CBX1: variants seen among roughly 807,000 people sequenced by gnomAD.
CBX1 encodes chromobox 1.
In CBX1, 10 loss-of-function variants were observed where a neutral mutation model predicts 25.1. The ratio of observed to expected loss-of-function variants is 0.40; its 90% confidence interval spans 0.25 to 0.68. The LOEUF is 0.68. Ranked by LOEUF, CBX1 falls within the 30% of genes least tolerant of loss-of-function variation. CBX1 has a pLI of 0.40. For missense variants in CBX1, 106 were observed against 218.5 expected (o/e 0.49, Z 3.25); for synonymous variants, 63 against 79.4 (o/e 0.79, Z 1.10).
Position 48,101,433 on chromosome 17 carries a change from T to C in CBX1, c.-203A>G. 1.0e-6 allele frequency: 1 copy of C among 985,454 alleles called. No homozygotes were observed. Among genetic ancestry groups the C allele is most frequent in the Non-Finnish European group, 1.2e-6 (1 of 829,996 alleles). The allele number at this position is 985,454 out of a possible 1,614,324, so 61.0% of individuals were successfully genotyped here. On this transcript the variant is annotated 5_prime_UTR_variant, in exon 1 of 5. Coordinates refer to ENST00000225603, the MANE Select transcript of CBX1 (RefSeq NM_001127228.2). The stretch of plus-strand genomic sequence containing the variant: ...CAGGCCCCGGCCAACGGCCCTCCCC[T>C]CAGCCGAACAAAAGAGCCTCGCAGT...
Position 48,071,448 on chromosome 17 carries a change from T to A in CBX1, c.545A>T (p.Asp182Val). Residue 182 changes from aspartate (D) to valine (V), a missense_variant, in exon 5 of 5, where the codon GAT becomes GTT. Asp to Val is a radical substitution (Grantham distance 152). This residue lies in a region of CBX1 where 71 missense variants were observed against 144.1 expected (regional missense o/e 0.49). Coordinates refer to ENST00000225603, the MANE Select transcript of CBX1 (RefSeq NM_001127228.2). Reference sequence around the variant, plus strand: ...TACTCAGGAGCGTTAGTTCTTGTCATCTTTTTTGTCATCATCCTCCGAGGG... The same window carrying A: ...TACTCAGGAGCGTTAGTTCTTGTCAACTTTTTTGTCATCATCCTCCGAGGG... ...SYPSEDDDKKDDKN is the reference protein window; with the variant it reads ...SYPSEDDDKKVDKN The A allele has an allele frequency of 6.2e-7, 1 of 1,610,472 alleles. No individual in the cohort carries two copies.
At chr17:48,077,467 T>TTTTTTTA (rs1555577820) in intron 1 of CBX1, among the ~76,000 whole-genome samples, 1 of 148,500 alleles carries the variant, frequency 6.7e-6, no homozygotes, top group South Asian at 2.1e-4. Flanking sequence ...TTTTTTTTTT[T>TTTTTTTA]AGTAGAGACG....
At chr17:48,100,120 CAGAGGA>C (rs1285698148) in intron 1 of CBX1, among the ~76,000 whole-genome samples, 1 of 111,540 alleles carries the variant, frequency 9.0e-6, no homozygotes, top group Non-Finnish European at 1.7e-5. Flanking sequence ...GCCTGGGCAA[CAGAGGA>C]AGACTCTTCT....
chr17:48,075,406 G>T (rs1160810655), intron 3 of CBX1, among the ~76,000 whole-genome samples: 1 of 152,084 alleles, frequency 6.6e-6, no homozygotes, highest in African/African-American at 2.4e-5. Context: ...TGTTAGTCAG[G>T]ATGGTCTTGA....
chr17:48,092,586 TG>T (rs1458054070), intron 1 of CBX1, among the ~76,000 whole-genome samples: 2 of 151,304 alleles, frequency 1.3e-5, no homozygotes, highest in South Asian at 4.2e-4. Context: ...CCTGAGTAAC[TG>T]GGATTACAGG....
intron 1 of CBX1, among the ~76,000 whole-genome samples, chr17:48,099,963 A>C (rs1332273420): frequency 2.6e-5 from 4 of 151,638 alleles, no homozygotes; most frequent in Admixed American, 6.6e-5. Context: ...GTACGGTGAA[A>C]CCCCGTCTCT....
At chr17:48,078,939 G>A (rs1414472035) in intron 1 of CBX1, among the ~76,000 whole-genome samples, 13 of 150,628 alleles carry the variant, frequency 8.6e-5, no homozygotes, top group Admixed American at 8.6e-4. Flanking sequence ...ACAGGTGTGA[G>A]CTACCACGCC....
chr17:48,094,844 C>T (rs1334796626), intron 1 of CBX1, among the ~76,000 whole-genome samples: 1 of 151,384 alleles, frequency 6.6e-6, no homozygotes, highest in African/African-American at 2.4e-5. Context: ...GCCTGGAGTT[C>T]AAGACCAGCC....
chr17:48,085,446 G>C (rs2063307262), intron 1 of CBX1, among the ~76,000 whole-genome samples: 1 of 151,954 alleles, frequency 6.6e-6, no homozygotes, highest in Non-Finnish European at 1.5e-5. Flanking sequence ...GCCTGTATAA[G>C]GAAAGGACAC....
At position 48,101,250 on chromosome 17, in the gene CBX1, C is replaced by T; in HGVS notation, c.-38+18G>A. ...GCGCCCCCTCCCCCAGCTCTCCCGC[C>T]TCCAGCGGGCTCCTCACCTCAGAGC... is the stretch of plus-strand genomic sequence containing the variant. On this transcript the variant is annotated intron_variant, in intron 1 of 4. Transcript: ENST00000225603. The T allele has an allele frequency of 2.0e-6, 2 of 989,004 alleles. No individual in the cohort carries two copies. Among genetic ancestry groups the T allele is most frequent in the Non-Finnish European group, 2.4e-6 (2 of 832,186 alleles). The allele number at this position is 989,004 out of a possible 1,614,324, so 61.3% of individuals were successfully genotyped here.
chr17:48,078,786 A>ATTTTT (rs2037702228), intron 1 of CBX1, among the ~76,000 whole-genome samples: 7 of 74,570 alleles, frequency 9.4e-5, no homozygotes, highest in Non-Finnish European at 1.3e-4. Context: ...CCGTGCCTGG[A>ATTTTT]CTTTTTTTTT....
At chr17:48,081,661 C>T (rs1025749793) in intron 1 of CBX1, among the ~76,000 whole-genome samples, 2 of 151,758 alleles carry the variant, frequency 1.3e-5, no homozygotes, top group African/African-American at 2.4e-5. Context: ...AGGCTGGTCT[C>T]GAACTCCTGA....
At chr17:48,091,534 CCTTTTTTTTT>C (rs1365948402) in intron 1 of CBX1, among the ~76,000 whole-genome samples, 3 of 132,876 alleles carry the variant, frequency 2.3e-5, no homozygotes, top group Non-Finnish European at 4.6e-5. Context: ...GCCACCATGC[CCTTTTTTTTT>C]TTTTTTTTTT....
intron 1 of CBX1, among the ~76,000 whole-genome samples, chr17:48,087,256 A>C (rs2063317540): frequency 6.6e-6 from 1 of 151,660 alleles, no homozygotes; most frequent in African/African-American, 2.4e-5. Flanking sequence ...CCTCTATGAG[A>C]ATCAGAATCA....
intron 1 of CBX1, among the ~76,000 whole-genome samples, chr17:48,099,999 C>T (rs1194909428): frequency 6.6e-6 from 1 of 151,788 alleles, no homozygotes; most frequent in Non-Finnish European, 1.5e-5. Context: ...ATTAGCCGGG[C>T]GTGGTGGCGT....
intron 2 of CBX1, 34 bp downstream of exon 2, chr17:48,076,828 CGTG>C (rs1227162369): frequency 4.4e-6 from 7 of 1,586,510 alleles, no homozygotes; most frequent in Non-Finnish European, 6.0e-6. Flanking sequence ...CTGATAAACA[CGTG>C]GTGGCTACAT....
intron 1 of CBX1, among the ~76,000 whole-genome samples, chr17:48,078,787 CTTTTTT>C (rs1184844619): frequency 2.1e-3 from 157 of 76,252 alleles, no homozygotes; most frequent in Admixed American, 4.2e-3. Context: ...CGTGCCTGGA[CTTTTTT>C]TTTTTTTTTT....
At chr17:48,087,487 T>C (rs1170603534) in intron 1 of CBX1, among the ~76,000 whole-genome samples, 5 of 151,754 alleles carry the variant, frequency 3.3e-5, no homozygotes, top group South Asian at 4.2e-4. Context: ...GGCAGGAGAA[T>C]AGCTTGAACC....
At chr17:48,085,800 T>C (rs994762373) in intron 1 of CBX1, among the ~76,000 whole-genome samples, 1 of 152,186 alleles carries the variant, frequency 6.6e-6, no homozygotes, top group Admixed American at 6.6e-5. Context: ...GCGCGGTGGC[T>C]CACGCCTATA....
Sources: allele counts gnomAD v4.1 joint callset (sites outside exome capture counted in the v4.1 genomes callset), GRCh38; gene constraint gnomAD v4.1.1; regional missense constraint gnomAD v4.1.1; transcripts MANE v1.5; gene names NCBI Gene and HGNC (gene_info 2026-07-23, HGNC 2026-07-21).